MLLT10: variants seen among roughly 807,000 people sequenced by gnomAD.
MLLT10 encodes the protein protein AF-10.
Under a neutral mutation model 129.1 loss-of-function variants are expected in MLLT10, and 30 were observed. That is an observed-to-expected ratio of 0.23 (90% CI 0.17 to 0.32). MLLT10 has a LOEUF of 0.32. Ranked by LOEUF, MLLT10 falls within the 10% of genes least tolerant of loss-of-function variation. MLLT10 has a pLI of 1.00. For synonymous variants in MLLT10, 490 were observed against 446.4 expected (o/e 1.10, Z -1.23); for missense variants, 1,119 against 1,268.3 (o/e 0.88, Z 1.79).
intron 9 of MLLT10, among the ~76,000 whole-genome samples, chr10:21,664,944 CTTTTTTTT>C (rs146373535): frequency 1.7e-5 from 2 of 119,392 alleles, no homozygotes; most frequent in African/African-American, 3.3e-5. Context: ...TTTTTCTTTT[CTTTTTTTT>C]TTTTTTTTTT....
intron 13 of MLLT10, among the ~76,000 whole-genome samples, chr10:21,698,998 C>T (rs897945493): frequency 3.9e-5 from 6 of 152,162 alleles, no homozygotes; most frequent in African/African-American, 9.7e-5. Context: ...CCTCAGCCCC[C>T]GTAGTAGCTG....
chr10:21,636,019 T>A (rs1393380764), intron 8 of MLLT10, among the ~76,000 whole-genome samples: 1 of 151,768 alleles, frequency 6.6e-6, no homozygotes, highest in Non-Finnish European at 1.5e-5. Flanking sequence ...GCTCCTCTTG[T>A]ACCCAAATTC....
chr10:21,545,700 G>A (rs1409831980), intron 3 of MLLT10, among the ~76,000 whole-genome samples: 1 of 152,144 alleles, frequency 6.6e-6, no homozygotes, highest in Non-Finnish European at 1.5e-5. Context: ...ACAGGGTCTC[G>A]CTTTTTGCCC....
chr10:21,556,320 A>G (rs919744564), intron 3 of MLLT10, among the ~76,000 whole-genome samples: 3 of 152,180 alleles, frequency 2.0e-5, no homozygotes, highest in Non-Finnish European at 4.4e-5. Flanking sequence ...AGCAGACATT[A>G]TTGAGTGATA....
Position 21,713,808 on chromosome 10 carries a change from CAAATGTAGT to C in MLLT10, c.1738_1746del (p.Asn580_Val582del). 2 of 1,613,358 alleles carry C rather than the reference CAAATGTAGT, an allele frequency of 1.2e-6. No individual in the cohort carries two copies. The highest frequency in any genetic ancestry group is 1.7e-6 in the Non-Finnish European group (2 of 1,179,682). ...AGCAATGATGTAGCAGTATCGTTTC[CAAATGTAGT>C]ATCTGGCTCGGGATCTAGTACTCCT... On this transcript the variant is annotated inframe_deletion, in exon 14 of 23. Coordinates refer to ENST00000307729, the MANE Select transcript of MLLT10 (RefSeq NM_001195626.3).
chr10:21,593,099 AT>A (rs34081128), intron 4 of MLLT10, among the ~76,000 whole-genome samples: 34 of 145,984 alleles, frequency 2.3e-4, no homozygotes, highest in Admixed American at 4.1e-4. Context: ...CCACCCATTG[AT>A]TTTTTTTTTT....
chr10:21,696,273 C>T (rs2054352426), intron 13 of MLLT10, among the ~76,000 whole-genome samples: 1 of 151,742 alleles, frequency 6.6e-6, no homozygotes, highest in African/African-American at 2.4e-5. Flanking sequence ...TAGACATTTC[C>T]TTTGCTTGTG....
At position 21,670,846 on chromosome 10, in the gene MLLT10, A is replaced by AAAG. The variant is rs879342917; in HGVS notation, c.1051+142_1051+143insAAG. ...TATGATTAGTTGCTTTAGTAAGATTACTTTAAAGATAGTGTTTCCTATTAA... is the reference window on the plus strand; with the variant it reads ...TATGATTAGTTGCTTTAGTAAGATTAAAGCTTTAAAGATAGTGTTTCCTATTAA... On this transcript the variant is annotated intron_variant, in intron 10 of 22. Coordinates refer to ENST00000307729, the MANE Select transcript of MLLT10 (RefSeq NM_001195626.3). 4.7e-3 allele frequency: 4,372 copies of AAAG among 928,148 alleles called. 16 individuals carry two copies. Among genetic ancestry groups the AAAG allele is most frequent in the Non-Finnish European group, 5.9e-3 (3,902 of 663,348 alleles). The allele number at this position is 928,148 out of a possible 1,614,324, so 57.5% of individuals were successfully genotyped here.
intron 4 of MLLT10, among the ~76,000 whole-genome samples, chr10:21,591,649 A>G (rs1468336753): frequency 2.6e-5 from 4 of 151,778 alleles, no homozygotes; most frequent in Non-Finnish European, 4.4e-5. Flanking sequence ...AAGTATTTAT[A>G]TTTATCTATA....
chr10:21,688,931 A>G (rs2053560476), intron 13 of MLLT10, among the ~76,000 whole-genome samples: 1 of 152,120 alleles, frequency 6.6e-6, no homozygotes, highest in South Asian at 2.1e-4. Context: ...TTCTTTTAAC[A>G]TATATCTCAA....
Position 21,670,553 on chromosome 10 carries a change from C to T in MLLT10, c.900C>T (p.His300=), listed in dbSNP as rs775884334. The T allele has an allele frequency of 1.6e-5, 26 of 1,614,052 alleles. No individual in the cohort carries two copies. The highest frequency in any genetic ancestry group is 1.6e-4 in the Middle Eastern group (1 of 6,084). Residue 300 remains histidine (H), a synonymous_variant, in exon 10 of 23, where the codon CAC becomes CAT. Coordinates refer to ENST00000307729, the MANE Select transcript of MLLT10 (RefSeq NM_001195626.3). Reference sequence around the variant, plus strand: ...CAAATTTCCAGGAAGTCTCTGCACACACCTCTAGTGGAAAAGATGTTTCAG... The same window carrying T: ...CAAATTTCCAGGAAGTCTCTGCACATACCTCTAGTGGAAAAGATGTTTCAG... ...TNANFQEVSA[H]TSSGKDVSET...
At chr10:21,584,837 T>TAC (rs769733136) in intron 3 of MLLT10, among the ~76,000 whole-genome samples, 1 of 151,752 alleles carries the variant, frequency 6.6e-6, no homozygotes, top group South Asian at 2.1e-4. Context: ...TATGTATACA[T>TAC]ACACACATAT....
chr10:21,740,232 T>C lies in MLLT10; in HGVS notation c.3158T>C (p.Val1053Ala). The change falls in exon 22 of 23, where the codon GTA (valine) becomes GCA (alanine). Residue 1053 changes from valine (V) to alanine (A), a missense_variant. By Grantham distance (64) the Val-to-Ala change is moderately conservative. Coordinates refer to ENST00000307729, the MANE Select transcript of MLLT10 (RefSeq NM_001195626.3). ...CATGGAGATAATGCAAGTCAGAAAG[T>C]AGCAGTAAGTATATTTTCCTTACTA... Reference protein sequence around the residue: ...TIHGDNASQKVARLSDKTGPV... With the variant: ...TIHGDNASQKAARLSDKTGPV... 1 of 1,613,736 alleles carries C rather than the reference T, an allele frequency of 6.2e-7. No homozygotes were observed. Among genetic ancestry groups the C allele is most frequent in the Non-Finnish European group, 8.5e-7 (1 of 1,179,648 alleles).
intron 13 of MLLT10, among the ~76,000 whole-genome samples, chr10:21,705,345 G>T (rs1395727726): frequency 3.9e-5 from 6 of 152,186 alleles, no homozygotes; most frequent in African/African-American, 7.2e-5. Context: ...ATTGCGCTGG[G>T]CAGTCCCCTG....
At chr10:21,575,623 C>T (rs1347768890) in intron 3 of MLLT10, among the ~76,000 whole-genome samples, 1 of 152,104 alleles carries the variant, frequency 6.6e-6, no homozygotes, top group Admixed American at 6.6e-5. Context: ...ATGGGGTATG[C>T]ACCAAGTTTA....
chr10:21,692,500 TGA>T (rs947228501), intron 13 of MLLT10, among the ~76,000 whole-genome samples: 7 of 151,868 alleles, frequency 4.6e-5, no homozygotes, highest in African/African-American at 1.7e-4. Flanking sequence ...CTTTTATTTT[TGA>T]GAGAGAGTCT....
chr10:21,561,336 G>A (rs1394240857), intron 3 of MLLT10, among the ~76,000 whole-genome samples: 2 of 151,648 alleles, frequency 1.3e-5, no homozygotes, highest in African/African-American at 4.9e-5. Context: ...TGCCTCCTGG[G>A]TGCAAGTTCT....
At chr10:21,671,942 G>T (rs1174144504) in intron 10 of MLLT10, among the ~76,000 whole-genome samples, 2 of 151,984 alleles carry the variant, frequency 1.3e-5, no homozygotes, top group Non-Finnish European at 2.9e-5. Context: ...GACAGAACAA[G>T]ACCCTGCCTC....
chr10:21,726,114 T>A, intron 14 of MLLT10, 130 bp from the exon 15 acceptor site: 1 of 638,302 alleles, frequency 1.6e-6, no homozygotes, highest in Non-Finnish European at 2.6e-6. Flanking sequence ...CGAAATTTGC[T>A]TTTCAGAAGG....
Sources: gnomAD v4.1 joint callset for allele counts (sites outside exome capture counted in the v4.1 genomes callset) on GRCh38, gnomAD v4.1.1 for gene constraint, MANE v1.5 for transcripts, NCBI Gene and HGNC (gene_info 2026-07-23, HGNC 2026-07-21) for gene names.